LYG2: variants seen among roughly 807,000 people sequenced by gnomAD.
LYG2 encodes the protein lysozyme g2.
LYG2 carries 25 observed loss-of-function variants against 22.4 expected under a neutral mutation model. The observed-to-expected ratio is 1.12, with a 90% CI of 0.81 to 1.56. The LOEUF is 1.56. Ranked by LOEUF, LYG2 falls within the 40% of genes most tolerant of loss-of-function variation. The pLI is 0.00. For synonymous variants in LYG2, 88 were observed against 97.0 expected (o/e 0.91, Z 0.55); for missense variants, 266 against 269.5 (o/e 0.99, Z 0.09).
intron 3 of LYG2, among the ~76,000 whole-genome samples, chr2:99,249,794 C>A (rs2094023009): frequency 6.7e-6 from 1 of 150,010 alleles, no homozygotes; most frequent in African/African-American, 2.5e-5. Context: ...AAGAATCTAA[C>A]CACTTCTCCC....
intron 5 of LYG2, among the ~76,000 whole-genome samples, chr2:99,244,990 T>TA (rs1005395708): frequency 2.0e-5 from 3 of 151,626 alleles, no homozygotes; most frequent in African/African-American, 7.3e-5. Context: ...CGTGTGCCTG[T>TA]AATCCCAGCT....
Position 99,246,705 on chromosome 2 carries a change from A to C in LYG2, c.159T>G (p.Cys53Trp). Residue 53 changes from cysteine (C) to tryptophan (W), a missense_variant, in exon 4 of 7, where the codon TGT (cysteine) becomes TGG (tryptophan). Coordinates refer to ENST00000333017, the MANE Select transcript of LYG2 (RefSeq NM_175735.4). ...CGCAGTTCATCACACTGTTTGCATC[A>C]CAAGTGGCCCCAGAGGTCTTCATGG... The part of the protein sequence containing the change: ...IMTMKTSGAT[C>W]DANSVMNCGI... 6.2e-7 allele frequency: 1 copy of C among 1,614,074 alleles called. No homozygotes were observed. Among genetic ancestry groups the C allele is most frequent in the Middle Eastern group, 1.7e-4 (1 of 6,046 alleles).
At chr2:99,248,895 A>G (rs1352603242) in intron 3 of LYG2, among the ~76,000 whole-genome samples, 1 of 152,164 alleles carries the variant, frequency 6.6e-6, no homozygotes, top group Non-Finnish European at 1.5e-5. Context: ...ATGTATATTT[A>G]ATAAAATTAG....
chr2:99,260,954 G>A, the LYG2 span, among the ~76,000 whole-genome samples: 1 of 152,136 alleles, frequency 6.6e-6, no homozygotes, highest in African/African-American at 2.4e-5. Context: ...CTTAGAAAAC[G>A]GAGAGCATGT....
chr2:99,254,261 G>A lies in LYG2; in HGVS notation c.-1C>T, dbSNP rs1168960528. 3 of 1,613,788 alleles carry A rather than the reference G, an allele frequency of 1.9e-6. No homozygotes were observed. The highest frequency in any genetic ancestry group is 1.3e-5 in the African/African-American group (1 of 74,872). ...CCCAAAACACCACGGAGGATAACAT[G>A]GCGGGGAATCTTATCTTCCAGGACC... is the stretch of plus-strand genomic sequence containing the variant. On this transcript the variant is annotated 5_prime_UTR_variant, in exon 3 of 7. Coordinates refer to ENST00000333017, the MANE Select transcript of LYG2 (RefSeq NM_175735.4).
At chr2:99,250,519 C>T (rs146954729) in intron 3 of LYG2, among the ~76,000 whole-genome samples, 166 of 152,162 alleles carry the variant, frequency 1.1e-3, no homozygotes, top group African/African-American at 3.7e-3. Flanking sequence ...GGACTACAGG[C>T]GCCTGCCATC....
upstream of LYG2, among the ~76,000 whole-genome samples, chr2:99,260,407 T>C (rs1354251959): frequency 6.6e-6 from 1 of 152,244 alleles, no homozygotes; most frequent in Non-Finnish European, 1.5e-5. Flanking sequence ...TTAGAGTATT[T>C]TCATTATCCA....
rs1321584672 is a variant in LYG2 at position 99,255,007 on chromosome 2, G to A, written c.-26+13C>T. On this transcript the variant is annotated intron_variant, in intron 2 of 6. Coordinates refer to ENST00000333017, the MANE Select transcript of LYG2 (RefSeq NM_175735.4). ...TTATAAGTTTTACAAGACATAAGAA[G>A]GCCAGCACTAACCTTGTTTGCAACC... 6.6e-6 allele frequency: 1 copy of A among 152,200 alleles called. No individual in the cohort carries two copies. The highest frequency in any genetic ancestry group is 2.4e-5 in the African/African-American group (1 of 41,436). The allele number at this position is 152,200 out of a possible 1,614,324, so 9.4% of individuals were successfully genotyped here.
rs2094034795 is a variant in LYG2 at position 99,255,662 on chromosome 2, A to T, written c.-203T>A. The stretch of plus-strand genomic sequence containing the variant: ...TCCAATGTCATATGATCCCCGTACC[A>T]GTATGTCACATGATCTCAAACCACT... On this transcript the variant is annotated 5_prime_UTR_variant, in exon 1 of 7. Transcript: ENST00000333017. Among the ~76,000 whole-genome samples, 1 of 152,154 alleles carries T rather than the reference A, an allele frequency of 6.6e-6. No homozygotes were observed. The highest frequency in any genetic ancestry group is 1.5e-5 in the Non-Finnish European group (1 of 68,024).
At chr2:99,253,390 GT>G (rs1333259044) in intron 3 of LYG2, among the ~76,000 whole-genome samples, 1 of 152,164 alleles carries the variant, frequency 6.6e-6, no homozygotes, top group Non-Finnish European at 1.5e-5. Context: ...ATGTTGCCCT[GT>G]TTTGACCATA....
chr2:99,250,532 A>G (rs1023101849), intron 3 of LYG2, among the ~76,000 whole-genome samples: 12 of 151,842 alleles, frequency 7.9e-5, no homozygotes, highest in Middle Eastern at 3.4e-3. Context: ...CTGCCATCAC[A>G]CCCGGCTAAT....
chr2:99,256,181 C>T (rs1331941526), upstream of LYG2, among the ~76,000 whole-genome samples: 1 of 152,206 alleles, frequency 6.6e-6, no homozygotes, highest in Admixed American at 6.5e-5. Context: ...CCCAGGAGAA[C>T]ATGCCCTCCC....
At chr2:99,251,780 G>A (rs2094027030) in intron 3 of LYG2, among the ~76,000 whole-genome samples, 1 of 151,806 alleles carries the variant, frequency 6.6e-6, no homozygotes, top group South Asian at 2.1e-4. Flanking sequence ...TGTTCAAGAT[G>A]AACCAGGAAC....
In LYG2 at chr2:99,255,050, C is replaced by G. The variant is rs2094033849; in HGVS notation, c.-56G>C. On this transcript the variant is annotated 5_prime_UTR_variant, in exon 2 of 7. Coordinates refer to ENST00000333017, the MANE Select transcript of LYG2 (RefSeq NM_175735.4). ...TTGCAACCTTACAGAGAAAATCTCCCCTCTCTGTTTGCAAAGGTCTTCTGT... is the reference window on the plus strand; with the variant it reads ...TTGCAACCTTACAGAGAAAATCTCCGCTCTCTGTTTGCAAAGGTCTTCTGT... 1 of 152,212 alleles carries G rather than the reference C, an allele frequency of 6.6e-6. No individual in the cohort carries two copies. Among genetic ancestry groups the G allele is most frequent in the African/African-American group, 2.4e-5 (1 of 41,458 alleles). The allele number at this position is 152,212 out of a possible 1,614,324, so 9.4% of individuals were successfully genotyped here.
intron 3 of LYG2, among the ~76,000 whole-genome samples, chr2:99,247,961 G>A (rs1048196298): frequency 6.6e-6 from 1 of 152,140 alleles, no homozygotes; most frequent in African/African-American, 2.4e-5. Context: ...CATTTATGCA[G>A]CCAAAAAACA....
At chr2:99,250,285 A>G (rs2094023734) in intron 3 of LYG2, among the ~76,000 whole-genome samples, 1 of 152,180 alleles carries the variant, frequency 6.6e-6, no homozygotes, top group South Asian at 2.1e-4. Context: ...AAAAGAAAAT[A>G]GTCCTTAAAC....
At chr2:99,249,836 T>A (rs1215958681) in intron 3 of LYG2, among the ~76,000 whole-genome samples, 2 of 148,114 alleles carry the variant, frequency 1.4e-5, no homozygotes, top group Non-Finnish European at 3.0e-5. Context: ...CCAGCCAGCA[T>A]CATTGCTCAT....
At chr2:99,247,698 C>T (rs2094018683) in intron 3 of LYG2, among the ~76,000 whole-genome samples, 1 of 152,092 alleles carries the variant, frequency 6.6e-6, no homozygotes, top group Non-Finnish European at 1.5e-5. Context: ...TCTAGATTAA[C>T]AATTTGCCTT....
At chr2:99,256,206 C>T (rs566824039), upstream of LYG2, among the ~76,000 whole-genome samples, 33 of 152,320 alleles carry the variant, frequency 2.2e-4, no homozygotes, top group African/African-American at 6.7e-4. Flanking sequence ...CTGAGGTCTG[C>T]ACAGTCCACT....
Sources: gnomAD v4.1 joint callset for allele counts (sites outside exome capture counted in the v4.1 genomes callset) on GRCh38, gnomAD v4.1.1 for gene constraint, MANE v1.5 for transcripts, NCBI Gene and HGNC (gene_info 2026-07-23, HGNC 2026-07-21) for gene names.